The following TMEM132B variants were observed in gnomAD, a reference collection of about 807,000 sequenced individuals.
TMEM132B encodes transmembrane protein 132B.
In TMEM132B, 18 loss-of-function variants were observed where a neutral mutation model predicts 90.8. The ratio of observed to expected loss-of-function variants is 0.20; its 90% CI spans 0.14 to 0.29. The LOEUF (loss-of-function observed/expected upper bound fraction) is 0.29, where lower values mean the gene tolerates loss of function less well. TMEM132B is among the 10% of genes least tolerant of loss of function. The probability of loss-of-function intolerance (pLI) is 1.00; values close to 1 mark genes in which losing one functional copy is unlikely to be tolerated. For synonymous variants in TMEM132B, 504 were observed against 523.3 expected (o/e 0.96, Z 0.50); for missense variants, 1,096 against 1,326.8 (o/e 0.83, Z 2.70).
intron 5 of TMEM132B, 110 bp from the exon 6 acceptor site, chr12:125,643,966 T>G: frequency 1.1e-6 from 1 of 928,144 alleles, no homozygotes; most frequent in Non-Finnish European, 1.7e-6. Context: ...TTGGGTTGTT[T>G]TGGTGTCTAA....
chr12:125,485,675 A>G (rs78048203), intron 3 of TMEM132B, among the ~76,000 whole-genome samples: 1 of 152,120 alleles, frequency 6.6e-6, no homozygotes, highest in Non-Finnish European at 1.5e-5. Context: ...AAGTTACTGT[A>G]GTTCCATCCA....
intron 2 of TMEM132B, among the ~76,000 whole-genome samples, chr12:125,395,058 G>A (rs1879132631): frequency 6.6e-6 from 1 of 152,124 alleles, no homozygotes; most frequent in Non-Finnish European, 1.5e-5. Context: ...AAAAATATAG[G>A]TGGCAAATAA....
Position 125,640,123 on chromosome 12 carries a change from G to C in TMEM132B, c.1438-3953G>C, listed in dbSNP as rs529147721. 3.3e-5 allele frequency among the ~76,000 whole-genome samples: 5 copies of C among 152,212 alleles called. No homozygotes were observed. In the East Asian group the frequency reaches 9.7e-4, roughly 29 times the overall value. On this transcript the variant is annotated intron_variant, in intron 5 of 8. Coordinates refer to ENST00000682704, the MANE Select transcript of TMEM132B (RefSeq NM_001366854.1). ...AGTGCGAGGAGGAGGCGCCACTTTCGGTGAGTCTCTTTGATCAAGGAGATG... is the reference window on the plus strand; with the variant it reads ...AGTGCGAGGAGGAGGCGCCACTTTCCGTGAGTCTCTTTGATCAAGGAGATG...
chr12:125,386,504 C>A (rs998701357), intron 2 of TMEM132B, among the ~76,000 whole-genome samples: 1 of 152,186 alleles, frequency 6.6e-6, no homozygotes, highest in African/African-American at 2.4e-5. Context: ...CACACATGAG[C>A]AAATTAGTAG....
intron 3 of TMEM132B, among the ~76,000 whole-genome samples, chr12:125,468,394 G>T (rs1881625203): frequency 6.6e-6 from 1 of 152,198 alleles, no homozygotes; most frequent in South Asian, 2.1e-4. Context: ...GTTTTTGAAG[G>T]ATGAACAGAT....
intron 4 of TMEM132B, among the ~76,000 whole-genome samples, chr12:125,543,136 C>A (rs1238317044): frequency 6.6e-6 from 1 of 152,136 alleles, no homozygotes; most frequent in African/African-American, 2.4e-5. Context: ...TTATTCATTT[C>A]TAGGCTCTAC....
chr12:125,567,785 CT>C (rs144876549), intron 4 of TMEM132B, among the ~76,000 whole-genome samples: 2,434 of 149,986 alleles, frequency 0.016, 57 homozygotes, highest in African/African-American at 0.051. Context: ...GATGAGAAGA[CT>C]TTTTTTTTTC....
chr12:125,420,185 C>CA (rs1288892585), intron 3 of TMEM132B, among the ~76,000 whole-genome samples: 1 of 152,238 alleles, frequency 6.6e-6, no homozygotes, highest in Non-Finnish European at 1.5e-5. Context: ...CACTAGGCAG[C>CA]ACCTCAGTGG....
chr12:125,629,141 T>C (rs1400628336), intron 5 of TMEM132B, among the ~76,000 whole-genome samples: 1 of 152,104 alleles, frequency 6.6e-6, no homozygotes, highest in East Asian at 1.9e-4. Flanking sequence ...GGGTCTTTTG[T>C]GGTTCCATAG....
At chr12:125,597,409 G>A (rs1885464044) in intron 5 of TMEM132B, among the ~76,000 whole-genome samples, 1 of 152,120 alleles carries the variant, frequency 6.6e-6, no homozygotes, top group African/African-American at 2.4e-5. Flanking sequence ...AGGTGTGGAG[G>A]CACTTGGCCT....
chr12:125,430,116 C>T (rs73428720), intron 3 of TMEM132B, among the ~76,000 whole-genome samples: 4,515 of 152,276 alleles, frequency 0.03, 213 homozygotes, highest in African/African-American at 0.1. Context: ...CCTGACACCA[C>T]GCCTGACCGT....
chr12:125,255,273 CTCTT>C lies in TMEM132B; in HGVS notation c.67+68419_67+68422del, dbSNP rs373099319. Among the ~76,000 whole-genome samples the C allele has an allele frequency of 2.3e-4, 35 of 151,928 alleles. 1 individual carries two copies. Among genetic ancestry groups the C allele is most frequent in the African/African-American group, 6.8e-4 (28 of 41,316 alleles). On this transcript the variant is annotated intron_variant, in intron 1 of 8. Transcript: ENST00000682704. ...TCTCTCTCCTCCTCTCTCTCTCTTTCTCTTTCTTTCTTTCTCTCTCTCTCTCTCA... is the reference window on the plus strand; with the variant it reads ...TCTCTCTCCTCCTCTCTCTCTCTTTCTCTTTCTTTCTCTCTCTCTCTCTCA...
intron 5 of TMEM132B, among the ~76,000 whole-genome samples, chr12:125,640,597 G>A (rs960110661): frequency 2.0e-5 from 3 of 152,144 alleles, no homozygotes; most frequent in Admixed American, 6.5e-5. Context: ...ATTGTATCTG[G>A]TATAGCAGAA....
chr12:125,313,820 A>T (rs1876182939), intron 1 of TMEM132B, among the ~76,000 whole-genome samples: 1 of 146,894 alleles, frequency 6.8e-6, no homozygotes, highest in Non-Finnish European at 1.5e-5. Flanking sequence ...ACTTTGTGTC[A>T]TGCTCTTGAA....
chr12:125,653,448 TA>T, intron 8 of TMEM132B, 116 bp from the exon 9 acceptor site: 1 of 1,201,406 alleles, frequency 8.3e-7, no homozygotes, highest in Non-Finnish European at 1.1e-6. Flanking sequence ...TTCAAGATTA[TA>T]AAACTATAGA....
chr12:125,341,808 C>A (rs1007793216), intron 1 of TMEM132B, among the ~76,000 whole-genome samples: 6 of 152,154 alleles, frequency 3.9e-5, no homozygotes, highest in Non-Finnish European at 8.8e-5. Flanking sequence ...GGTTGAGAAT[C>A]CTTGTCTTAG....
chr12:125,233,025 T>A (rs780331896), intron 1 of TMEM132B, among the ~76,000 whole-genome samples: 1 of 152,278 alleles, frequency 6.6e-6, no homozygotes, highest in South Asian at 2.1e-4. Context: ...GTGAGTGTCA[T>A]TGTGGCCTGT....
intron 1 of TMEM132B, among the ~76,000 whole-genome samples, chr12:125,240,026 T>G (rs1357195353): frequency 2.6e-5 from 4 of 152,206 alleles, no homozygotes; most frequent in Admixed American, 2.0e-4. Flanking sequence ...ATCTTCATCT[T>G]ACAAGAGAAA....
intron 1 of TMEM132B, among the ~76,000 whole-genome samples, chr12:125,343,569 G>T (rs193019302): frequency 1.3e-3 from 199 of 152,364 alleles, no homozygotes; most frequent in Non-Finnish European, 1.9e-3. Flanking sequence ...TTTGGAATTG[G>T]ATAGAGCTGG....
Sources: gnomAD v4.1 joint callset for allele counts (sites outside exome capture counted in the v4.1 genomes callset) on GRCh38, gnomAD v4.1.1 for gene constraint, MANE v1.5 for transcripts, NCBI Gene and HGNC (gene_info 2026-07-23, HGNC 2026-07-21) for gene names.